Variants in PCDHGA5 observed in about 807,000 individuals in gnomAD.
The protein encoded by PCDHGA5 is protocadherin gamma subfamily A, 5.
Under a neutral mutation model 56.7 loss-of-function variants are expected in PCDHGA5, and 36 were observed. The observed-to-expected ratio is 0.64, with a 90% CI of 0.49 to 0.84. The LOEUF is 0.84. PCDHGA5 is among the 40% of genes least tolerant of loss of function. The probability of loss-of-function intolerance (pLI) is 0.00; values close to 1 mark genes in which losing one functional copy is unlikely to be tolerated. For missense variants in PCDHGA5, 1,305 were observed against 1,201.5 expected (o/e 1.09, Z -1.27); for synonymous variants, 563 against 520.2 (o/e 1.08, Z -1.12).
chr5:141,428,436 A>G (rs922762798), intron 1 of PCDHGA5: 5 of 401,736 alleles, frequency 1.2e-5, no homozygotes, highest in Non-Finnish European at 2.3e-5. Flanking sequence ...CTAAGACTAG[A>G]CCAGGGGTTT....
At chr5:141,423,264 C>G (rs1452323474) in intron 1 of PCDHGA5, 1 of 1,613,986 alleles carries the variant, frequency 6.2e-7, no homozygotes. Flanking sequence ...TCGGCAGCCT[C>G]GAGTCTCTGG....
intron 1 of PCDHGA5, chr5:141,375,325 G>T: frequency 6.2e-7 from 1 of 1,613,768 alleles, no homozygotes; most frequent in Non-Finnish European, 8.5e-7. Context: ...ACCGGGAAGA[G>T]GTATTCTTGT....
chr5:141,404,890 A>G (rs745830169), intron 1 of PCDHGA5: 1 of 1,613,870 alleles, frequency 6.2e-7, no homozygotes, highest in Middle Eastern at 1.6e-4. Context: ...TGGTGGCTGT[A>G]CAGGACCATG....
chr5:141,415,113 C>T, intron 1 of PCDHGA5: 1 of 1,613,642 alleles, frequency 6.2e-7, no homozygotes, highest in Middle Eastern at 1.7e-4. Context: ...AGCAAAGCCT[C>T]GTAGTGGCCG....
chr5:141,420,075 G>A (rs893749179), intron 1 of PCDHGA5: 17 of 1,613,944 alleles, frequency 1.1e-5, no homozygotes, highest in Admixed American at 6.7e-5. Context: ...GGACCTGTGG[G>A]TCCCCCCAAC....
At chr5:141,395,389 G>A in intron 1 of PCDHGA5, 1 of 986,786 alleles carries the variant, frequency 1.0e-6, no homozygotes, top group South Asian at 1.8e-5. Context: ...CTATAAAATT[G>A]AACTCTAATA....
chr5:141,408,725 A>G, intron 1 of PCDHGA5: 1 of 1,610,988 alleles, frequency 6.2e-7, no homozygotes, highest in Non-Finnish European at 8.5e-7. Context: ...GATAAACTCT[A>G]ATCCTTATTT....
intron 1 of PCDHGA5, chr5:141,372,263 G>C (rs373583904): frequency 3.1e-6 from 5 of 1,613,110 alleles, no homozygotes; most frequent in South Asian, 1.1e-5. Flanking sequence ...GCCTGCGCAC[G>C]GGTGAGGTGC....
intron 1 of PCDHGA5, chr5:141,383,500 G>T: frequency 6.2e-7 from 1 of 1,613,078 alleles, no homozygotes; most frequent in East Asian, 2.2e-5. Flanking sequence ...GCGGGTGCTG[G>T]ACCGGGAGGA....
At position 141,431,119 on chromosome 5, in the gene PCDHGA5, A is replaced by C. The variant is rs147514897; in HGVS notation, c.2422-63688A>C. 1.2e-6 allele frequency: 2 copies of C among 1,614,134 alleles called. No individual in the cohort carries two copies. The highest frequency in any genetic ancestry group is 2.7e-5 in the African/African-American group (2 of 74,956). ...ATAAAGTGAAAATATATGGAGTAGA[A>C]GTAGAAGTAAGGGACATTAACGACA... On this transcript the variant is annotated intron_variant, in intron 1 of 3. Coordinates refer to ENST00000518069, the MANE Select transcript of PCDHGA5 (RefSeq NM_018918.3). The surrounding 1 kb of genome is among the most constrained non-coding windows in gnomAD (Gnocchi z 4.8).
rs1193417991 is a variant in PCDHGA5 at position 141,491,413 on chromosome 5, G to C, written c.2422-3394G>C. 5.0e-6 allele frequency: 8 copies of C among 1,613,946 alleles called. No individual in the cohort carries two copies. Among genetic ancestry groups the C allele is most frequent in the African/African-American group, 1.3e-5 (1 of 74,906 alleles). ...CCTTCAGGGAAACGCAGACGGGGAC[G>C]GGGGTGGAGGGCAGTGCTGCAGGCG... On this transcript the variant is annotated intron_variant, in intron 1 of 3. Transcript: ENST00000518069. The surrounding 1 kb of genome is among the most constrained non-coding windows in gnomAD (Gnocchi z 6.9).
At position 141,489,963 on chromosome 5, in the gene PCDHGA5, C is replaced by A. The variant is rs779260164; in HGVS notation, c.2422-4844C>A. On this transcript the variant is annotated intron_variant, in intron 1 of 3. Coordinates refer to ENST00000518069, the MANE Select transcript of PCDHGA5 (RefSeq NM_018918.3). This position sits in a 1 kb window ranked among gnomAD's most constrained non-coding sequence, Gnocchi z 4.5. Reference sequence around the variant, plus strand: ...TGGACATCAATGATAATGCTCCAACCTTCCAATCCTCAGTTCTACGTGTGG... The same window carrying A: ...TGGACATCAATGATAATGCTCCAACATTCCAATCCTCAGTTCTACGTGTGG... The A allele has an allele frequency of 8.1e-6, 13 of 1,614,184 alleles. No homozygotes were observed. In the East Asian group the frequency reaches 2.2e-4, roughly 28 times the overall value.
chr5:141,364,281 A>T lies in PCDHGA5; in HGVS notation c.-50A>T. On this transcript the variant is annotated 5_prime_UTR_variant, in exon 1 of 4. Transcript: ENST00000518069. ...ACCCATCGGCTTTAGATAAATAAGG[A>T]AACAGCAGGCTGAACCAGAACTAAG... 2 of 1,516,544 alleles carry T rather than the reference A, an allele frequency of 1.3e-6. No homozygotes were observed. The highest frequency in any genetic ancestry group is 2.7e-5 in the South Asian group (2 of 73,634). The allele number at this position is 1,516,544 out of a possible 1,614,324, so 93.9% of individuals were successfully genotyped here.
intron 1 of PCDHGA5, chr5:141,389,992 T>A: frequency 6.2e-7 from 1 of 1,614,010 alleles, no homozygotes. Context: ...CTCTTCCTCG[T>A]GGCCATGATT....
intron 1 of PCDHGA5, chr5:141,419,863 G>T (rs1416582920): frequency 6.2e-7 from 1 of 1,614,108 alleles, no homozygotes; most frequent in Non-Finnish European, 8.5e-7. Flanking sequence ...CAGATAGCTT[G>T]CAAGAGGTAC....
At position 141,384,872 on chromosome 5, in the gene PCDHGA5, T is replaced by A. The variant is rs773444317; in HGVS notation, c.2421+18121T>A. On this transcript the variant is annotated intron_variant, in intron 1 of 3. Coordinates refer to ENST00000518069, the MANE Select transcript of PCDHGA5 (RefSeq NM_018918.3). ...GGTCAGCCTCCTCTGTCAGCCACCG[T>A]CACACTCACCGTGGCTGTGGCTGAC... is the stretch of plus-strand genomic sequence containing the variant. 1.9e-6 allele frequency: 3 copies of A among 1,613,766 alleles called. No individual in the cohort carries two copies. The highest frequency in any genetic ancestry group is 2.5e-6 in the Non-Finnish European group (3 of 1,179,946).
chr5:141,509,300 G>A (rs987250093), intron 3 of PCDHGA5, among the ~76,000 whole-genome samples: 5 of 152,216 alleles, frequency 3.3e-5, no homozygotes, highest in African/African-American at 1.2e-4. Flanking sequence ...GGTGGAGGCA[G>A]AGGGAGGCTG....
At position 141,365,429 on chromosome 5, in the gene PCDHGA5, G is replaced by A. The variant is rs781264093; in HGVS notation, c.1099G>A (p.Ala367Thr). 1.2e-6 allele frequency: 2 copies of A among 1,613,990 alleles called. No individual in the cohort carries two copies. The highest frequency in any genetic ancestry group is 2.2e-5 in the East Asian group (1 of 44,868). ...SEDCLPGTVI[A>T]LFSVHDGDSG... ...AGACTGTCTTCCCGGAACTGTAATC[G>A]CGCTGTTTAGCGTACATGATGGTGA... The change falls in exon 1 of 4, where the codon GCG becomes ACG. Residue 367 changes from alanine to threonine, a missense_variant. By Grantham distance (58) the Ala-to-Thr change is moderately conservative (BLOSUM62 0). Transcript: ENST00000518069.
At chr5:141,495,269 CGGAGGAGGCG>C (rs2099759953) in intron 2 of PCDHGA5, among the ~76,000 whole-genome samples, 1 of 152,180 alleles carries the variant, frequency 6.6e-6, no homozygotes, top group Non-Finnish European at 1.5e-5. Context: ...AGCATTTGAC[CGGAGGAGGCG>C]GTCCGCACTC....
Sources: gnomAD v4.1 joint callset for allele counts (sites outside exome capture counted in the v4.1 genomes callset) on GRCh38, gnomAD v4.1.1 for gene constraint, Gnocchi (gnomAD v3.1) non-coding constraint, MANE v1.5 for transcripts, NCBI Gene and HGNC (gene_info 2026-07-23, HGNC 2026-07-21) for gene names.